SOX6: variants seen among roughly 807,000 people sequenced by gnomAD.
The protein encoded by SOX6 is transcription factor SOX-6.
Under a neutral mutation model 97.8 loss-of-function variants are expected in SOX6, and 11 were observed. That is an observed-to-expected ratio of 0.11 (90% CI 0.07 to 0.19). The LOEUF is 0.19. Among genes scored for constraint, SOX6 ranks in the 10% least tolerant of loss-of-function variants. The pLI is 1.00. For synonymous variants in SOX6, 360 were observed against 371.4 expected, an observed-to-expected ratio of 0.97 and a Z score of 0.35; for missense variants, 810 against 1,039.5, an observed-to-expected ratio of 0.78 and a Z score of 3.04.
At chr11:16,273,307 ATCT>A (rs1854308367) in intron 3 of SOX6, among the ~76,000 whole-genome samples, 1 of 152,014 alleles carries the variant, frequency 6.6e-6, no homozygotes, top group African/African-American at 2.4e-5. Context: ...AAGTTTTGTT[ATCT>A]TCTTCATTTT....
rs1480260154 is a variant in SOX6 at position 16,201,694 on chromosome 11, C to T, written c.536-14739G>A. On this transcript the variant is annotated intron_variant, in intron 4 of 15. Transcript: ENST00000683767. Reference sequence around the variant, plus strand: ...TGTCGCCCAGGCTGGAGTGCAGTGGCGGGATCTCGGCTCACTGCAAGCTCC... The same window carrying T: ...TGTCGCCCAGGCTGGAGTGCAGTGGTGGGATCTCGGCTCACTGCAAGCTCC... Among the ~76,000 whole-genome samples the T allele has an allele frequency of 9.6e-4, 116 of 120,982 alleles. 4 individuals are homozygous for T. The highest frequency in any genetic ancestry group is 3.7e-3 in the African/African-American group (114 of 30,580). 79.4% of individuals were successfully genotyped at this position (120,982 alleles called of 152,430 possible).
intron 6 of SOX6, among the ~76,000 whole-genome samples, chr11:16,117,986 G>A (rs998364940): frequency 5.9e-5 from 9 of 152,082 alleles, no homozygotes. Flanking sequence ...TCTTGAAAGT[G>A]TAACTTTCCC....
chr11:16,236,655 T>C (rs980258966), intron 3 of SOX6, among the ~76,000 whole-genome samples: 2 of 152,122 alleles, frequency 1.3e-5, no homozygotes, highest in Admixed American at 6.6e-5. Flanking sequence ...AATTTATTTG[T>C]AATAATAACA....
chr11:16,280,361 T>C (rs796312952), intron 3 of SOX6, among the ~76,000 whole-genome samples: 12 of 133,080 alleles, frequency 9.0e-5, no homozygotes, highest in African/African-American at 2.2e-4. Flanking sequence ...TAGAAAGTTA[T>C]AATACTTTAT....
At chr11:16,341,462 A>G (rs898154615) in intron 1 of SOX6, among the ~76,000 whole-genome samples, 2 of 152,046 alleles carry the variant, frequency 1.3e-5, no homozygotes, top group Non-Finnish European at 2.9e-5. Flanking sequence ...CCCAGTAATT[A>G]CTGCATATTT....
At chr11:16,026,507 A>G (rs1855220245) in intron 12 of SOX6, among the ~76,000 whole-genome samples, 1 of 152,188 alleles carries the variant, frequency 6.6e-6, no homozygotes, top group African/African-American at 2.4e-5. Flanking sequence ...CTGTGTCCCT[A>G]GTTTGAGACT....
intron 1 of SOX6, among the ~76,000 whole-genome samples, chr11:16,439,524 C>A (rs191762677): frequency 6.6e-6 from 1 of 152,208 alleles, no homozygotes; most frequent in East Asian, 1.9e-4. Flanking sequence ...TTTTGTAATT[C>A]CTCTAAAGAA....
intron 3 of SOX6, among the ~76,000 whole-genome samples, chr11:16,679,450 C>G (rs985211747): frequency 6.6e-6 from 1 of 152,168 alleles, no homozygotes; most frequent in Non-Finnish European, 1.5e-5. Context: ...CACACCAAAA[C>G]CCCACTGTAG....
At chr11:16,172,291 TATG>T (rs950968360) in intron 6 of SOX6, among the ~76,000 whole-genome samples, 3 of 152,194 alleles carry the variant, frequency 2.0e-5, no homozygotes, top group Middle Eastern at 3.4e-3. Context: ...TTCCAAAAAT[TATG>T]ATATTTCACT....
intron 4 of SOX6, among the ~76,000 whole-genome samples, chr11:16,539,647 C>T (rs956459989): frequency 1.3e-5 from 2 of 151,942 alleles, no homozygotes; most frequent in East Asian, 1.9e-4. Flanking sequence ...ATATCACCAC[C>T]GATCCCACAG....
At chr11:16,415,430 C>A (rs945044639) in intron 1 of SOX6, among the ~76,000 whole-genome samples, 4 of 151,658 alleles carry the variant, frequency 2.6e-5, no homozygotes, top group African/African-American at 9.7e-5. Context: ...TTAAAAGATA[C>A]AAAATTACAG....
chr11:16,529,304 T>C (rs931504115), intron 4 of SOX6, among the ~76,000 whole-genome samples: 2 of 152,094 alleles, frequency 1.3e-5, no homozygotes, highest in African/African-American at 2.4e-5. Context: ...GAAAATCTTA[T>C]AGCAGGCCTC....
intron 3 of SOX6, among the ~76,000 whole-genome samples, chr11:16,274,028 A>G (rs759191198): frequency 6.6e-6 from 1 of 152,106 alleles, no homozygotes; most frequent in African/African-American, 2.4e-5. Flanking sequence ...GGCAGTAGAG[A>G]TTTGGGAGAA....
At chr11:16,449,654 C>A in intron 1 of SOX6, among the ~76,000 whole-genome samples, 1 of 152,152 alleles carries the variant, frequency 6.6e-6, no homozygotes, top group Non-Finnish European at 1.5e-5. Flanking sequence ...TATAAGCAGA[C>A]ATACATCTCC....
intron 3 of SOX6, among the ~76,000 whole-genome samples, chr11:16,692,183 C>T (rs1383474810): frequency 4.6e-5 from 7 of 151,932 alleles, no homozygotes; most frequent in Non-Finnish European, 1.0e-4. Context: ...AGGGATTCTC[C>T]TGCCTCAGCC....
chr11:16,369,393 A>G (rs1198722066), intron 1 of SOX6, among the ~76,000 whole-genome samples: 1 of 152,108 alleles, frequency 6.6e-6, no homozygotes, highest in Non-Finnish European at 1.5e-5. Flanking sequence ...AACTCCTAAC[A>G]TACTATATAA....
At chr11:16,269,134 G>A (rs750309768) in intron 3 of SOX6, among the ~76,000 whole-genome samples, 20 of 149,618 alleles carry the variant, frequency 1.3e-4, no homozygotes, top group East Asian at 3.9e-4. Context: ...AATGGCTACC[G>A]CATTTGAATT....
chr11:16,086,774 A>G (rs1329219190), intron 9 of SOX6, among the ~76,000 whole-genome samples: 1 of 152,240 alleles, frequency 6.6e-6, no homozygotes, highest in Non-Finnish European at 1.5e-5. Flanking sequence ...TTATCACAGT[A>G]GTTCTACTGC....
intron 1 of SOX6, among the ~76,000 whole-genome samples, chr11:16,464,021 G>A (rs1200052897): frequency 6.6e-6 from 1 of 152,100 alleles, no homozygotes; most frequent in African/African-American, 2.4e-5. Context: ...ATCCCTGATG[G>A]TTATAACTTT....
Sources: allele counts gnomAD v4.1 joint callset (sites outside exome capture counted in the v4.1 genomes callset), GRCh38; gene constraint gnomAD v4.1.1; transcripts MANE v1.5; gene names NCBI Gene and HGNC (gene_info 2026-07-23, HGNC 2026-07-21).